Variants in HAGH observed in about 807,000 individuals in gnomAD.
HAGH encodes hydroxyacylglutathione hydrolase.
In HAGH, 29 loss-of-function variants were observed where a neutral mutation model predicts 35.1. The observed-to-expected ratio is 0.83, with a 90% CI of 0.62 to 1.13. The LOEUF (loss-of-function observed/expected upper bound fraction) is 1.13. HAGH is among the 50% of genes most tolerant of loss of function. HAGH has a pLI of 0.00. For missense variants in HAGH, 478 were observed against 419.6 expected, an observed-to-expected ratio of 1.14 and a Z score of -1.22; for synonymous variants, 225 against 176.1, an observed-to-expected ratio of 1.28 and a Z score of -2.20.
intron 7 of HAGH, among the ~76,000 whole-genome samples, chr16:1,814,019 C>T (rs1275916349): frequency 2.0e-5 from 3 of 152,214 alleles, no homozygotes; most frequent in African/African-American, 7.2e-5. Context: ...TCTACCCTCA[C>T]CTCGCACCAC....
chr16:1,827,152 T>A (rs1004857996), upstream of HAGH: 47 of 1,512,984 alleles, frequency 3.1e-5, no homozygotes, highest in Non-Finnish European at 4.1e-5. Flanking sequence ...GGGACAGCGT[T>A]CCGAGGCAGT....
Position 1,816,957 on chromosome 16 carries a change from A to G in HAGH, c.683T>C (p.Leu228Pro). The G allele has an allele frequency of 6.2e-7, 1 of 1,613,594 alleles. No homozygotes were observed. Among genetic ancestry groups the G allele is most frequent in the South Asian group, 1.1e-5 (1 of 91,068 alleles). The change falls in exon 7 of 9, where the codon CTC becomes CCC. Residue 228 changes from leucine (L) to proline (P), a missense_variant. Transcript: ENST00000397356. Reference protein sequence around the residue: ...YCGHEYTINNLKFARHVEPGN... With the variant: ...YCGHEYTINNPKFARHVEPGN... ...GGGCTCCACGTGGCGTGCAAACTTG[A>G]GGTTGTTGATGGTGTACTCGTGGCC...
chr16:1,826,270 C>T (rs1198840932), intron 1 of HAGH, among the ~76,000 whole-genome samples: 12 of 151,336 alleles, frequency 7.9e-5, no homozygotes, highest in Non-Finnish European at 1.6e-4. Context: ...GCTCCGGCGC[C>T]GGGCGGGCAG....
At position 1,823,041 on chromosome 16, in the gene HAGH, C is replaced by G; in HGVS notation, c.77-4G>C. 6.2e-7 allele frequency: 1 copy of G among 1,613,284 alleles called. No individual in the cohort carries two copies. On this transcript the variant is annotated splice_polypyrimidine_tract_variant and splice_region_variant and intron_variant, in intron 1 of 8. Transcript: ENST00000397356. The stretch of plus-strand genomic sequence containing the variant: ...AAAACTCCCAGCAGGGCTGGACCTG[C>G]AGACACAGAGCACAACTCAGCGGGC...
chr16:1,811,729 T>A lies in HAGH; in HGVS notation c.748-1896A>T, dbSNP rs192353623. On this transcript the variant is annotated intron_variant, in intron 7 of 8. Coordinates refer to ENST00000397356, the MANE Select transcript of HAGH (RefSeq NM_005326.6). ...AGACTCTGCCTCAAAAAAATAAAAATAAAAAAATAAGGTCAGTCCTTGCAG... is the reference window on the plus strand; with the variant it reads ...AGACTCTGCCTCAAAAAAATAAAAAAAAAAAAATAAGGTCAGTCCTTGCAG... Among the ~76,000 whole-genome samples the A allele has an allele frequency of 2.2e-3, 336 of 151,122 alleles. 2 individuals are homozygous for A. Among genetic ancestry groups the A allele is most frequent in the African/African-American group, 7.6e-3 (314 of 41,170 alleles).
At chr16:1,817,140 C>T (rs760320269) in intron 6 of HAGH, 28 bp downstream of exon 6, 2 of 1,512,262 alleles carry the variant, frequency 1.3e-6, no homozygotes, top group Admixed American at 1.7e-5. Flanking sequence ...GCCCCCCACA[C>T]CCCGGCCCGC....
intron 7 of HAGH, among the ~76,000 whole-genome samples, chr16:1,814,485 AAAAG>A (rs1327425826): frequency 2.6e-5 from 4 of 151,870 alleles, no homozygotes; most frequent in African/African-American, 4.8e-5. Flanking sequence ...AAAAAAAAAA[AAAAG>A]AAACAAACAA....
intron 1 of HAGH, among the ~76,000 whole-genome samples, chr16:1,826,090 C>T (rs1310049799): frequency 6.6e-6 from 1 of 152,358 alleles, no homozygotes; most frequent in South Asian, 2.1e-4. Context: ...ACATTCTACC[C>T]CCTGCAGAGC....
intron 8 of HAGH, 172 bp from the exon 9 acceptor site, chr16:1,809,554 AGAAG>A: frequency 1.5e-6 from 1 of 666,198 alleles, no homozygotes; most frequent in Non-Finnish European, 2.6e-6. Context: ...TCCAGGGTCC[AGAAG>A]GACTCACACC....
intron 7 of HAGH, among the ~76,000 whole-genome samples, chr16:1,813,797 G>C (rs934557962): frequency 3.9e-5 from 6 of 152,216 alleles, no homozygotes; most frequent in African/African-American, 1.4e-4. Flanking sequence ...CCAGTGCCAA[G>C]ACTCAGCACA....
At chr16:1,826,071 G>C (rs975827138) in intron 1 of HAGH, among the ~76,000 whole-genome samples, 4 of 152,206 alleles carry the variant, frequency 2.6e-5, no homozygotes, top group African/African-American at 9.6e-5. Context: ...CCTTTCCTTA[G>C]CAATGGCGAC....
intron 3 of HAGH, among the ~76,000 whole-genome samples, chr16:1,820,733 A>G (rs1211636987): frequency 1.3e-5 from 2 of 152,126 alleles, no homozygotes; most frequent in African/African-American, 4.8e-5. Context: ...CAGCAACCAC[A>G]CCAGAAACCG....
At chr16:1,819,755 A>C (rs1596931253) in intron 4 of HAGH, 142 bp downstream of exon 4, 1 of 676,358 alleles carries the variant, frequency 1.5e-6, no homozygotes, top group Non-Finnish European at 2.7e-6. Context: ...GACAGAGAAG[A>C]CCATCCACGC....
rs533485468 is a variant in HAGH, at chr16:1,823,104, G to A, written c.77-67C>T. 7 of 1,370,692 alleles carry A rather than the reference G, an allele frequency of 5.1e-6. No homozygotes were observed. In the East Asian group the frequency reaches 1.6e-4, roughly 32 times the overall value. 84.9% of individuals were successfully genotyped at this position (1,370,692 alleles called of 1,614,324 possible). Reference sequence around the variant, plus strand: ...CCCTCCACGACAGGACGCGCAAGCTGCAGTGCTTCCCAGCCTTTCTAGGTT... The same window carrying A: ...CCCTCCACGACAGGACGCGCAAGCTACAGTGCTTCCCAGCCTTTCTAGGTT... On this transcript the variant is annotated intron_variant, in intron 1 of 8. Coordinates refer to ENST00000397356, the MANE Select transcript of HAGH (RefSeq NM_005326.6).
intron 7 of HAGH, among the ~76,000 whole-genome samples, chr16:1,816,044 G>A (rs1265033472): frequency 2.8e-5 from 4 of 140,832 alleles, no homozygotes; most frequent in Admixed American, 7.7e-5. Flanking sequence ...GGGTTCAAGC[G>A]ATTCTCCTGC....
At position 1,817,173 on chromosome 16, in the gene HAGH, C is replaced by T. The variant is rs1388998689; in HGVS notation, c.640G>A (p.Asp214Asn). The change falls in exon 6 of 9, where the codon GAC (aspartate) becomes AAC (asparagine). Residue 214 changes from aspartate (D) to asparagine (N), a missense_variant. Coordinates refer to ENST00000397356, the MANE Select transcript of HAGH (RefSeq NM_005326.6). ...CGCAGGGAGGCGCTGCCTACTGTGT[C>T]CGGGGGGAGCCGGCCCAAGACCTCC... Reference protein sequence around the residue: ...LLEVLGRLPPDTRVYCGHEYT... With the variant: ...LLEVLGRLPPNTRVYCGHEYT... 1 of 1,604,748 alleles carries T rather than the reference C, an allele frequency of 6.2e-7. No homozygotes were observed. Among genetic ancestry groups the T allele is most frequent in the Non-Finnish European group, 8.5e-7 (1 of 1,171,436 alleles).
chr16:1,823,275 CTTTTTTTTTT>C (rs1373408444), intron 1 of HAGH, among the ~76,000 whole-genome samples: 4 of 141,704 alleles, frequency 2.8e-5, no homozygotes, highest in East Asian at 2.1e-4. Flanking sequence ...TTTTTTTTTT[CTTTTTTTTTT>C]GAGACGGAGT....
intron 5 of HAGH, among the ~76,000 whole-genome samples, chr16:1,817,492 C>T (rs1897959682): frequency 6.6e-6 from 1 of 152,148 alleles, no homozygotes; most frequent in African/African-American, 2.4e-5. Flanking sequence ...GCCGAGCAGA[C>T]CCGAAACCCA....
At chr16:1,814,840 G>C (rs1404994467) in intron 7 of HAGH, among the ~76,000 whole-genome samples, 1 of 152,014 alleles carries the variant, frequency 6.6e-6, no homozygotes, top group South Asian at 2.1e-4. Flanking sequence ...AGAGCTTGCA[G>C]TGAGATGAGA....
Sources: allele counts gnomAD v4.1 joint callset (sites outside exome capture counted in the v4.1 genomes callset), GRCh38; gene constraint gnomAD v4.1.1; transcripts MANE v1.5; gene names NCBI Gene and HGNC (gene_info 2026-07-23, HGNC 2026-07-21).